SCARF2: variants seen among roughly 807,000 people sequenced by gnomAD.
SCARF2 encodes the protein scavenger receptor expressed by endothelial cells 2 protein.
In SCARF2, 39 loss-of-function variants were observed where a neutral mutation model predicts 73.4. That is an observed-to-expected ratio of 0.53 (90% CI 0.41 to 0.69). The LOEUF (loss-of-function observed/expected upper bound fraction) is 0.69. SCARF2 is among the 30% of genes least tolerant of loss of function. The pLI, the probability that SCARF2 is intolerant of heterozygous loss-of-function variation, is 0.00. For missense variants in SCARF2, 1,148 were observed against 1,303.5 expected, an observed-to-expected ratio of 0.88 and a Z score of 1.84; for synonymous variants, 605 against 590.0, an observed-to-expected ratio of 1.03 and a Z score of -0.37.
At chr22:20,437,399 G>C (rs2146142146) in intron 1 of SCARF2, among the ~76,000 whole-genome samples, 183 bp downstream of exon 1, 1 of 152,326 alleles carries the variant, frequency 6.6e-6, no homozygotes, top group East Asian at 1.9e-4. Context: ...GGGTTCCCTG[G>C]GATGCACTGT....
At chr22:20,431,620 C>A (rs1320794716) in intron 3 of SCARF2, 83 bp from the exon 4 acceptor site, 2 of 1,542,636 alleles carry the variant, frequency 1.3e-6, no homozygotes, top group South Asian at 1.2e-5. Context: ...CCGCGTCCCG[C>A]ACTCCAGCCG....
chr22:20,432,185 T>C (rs2052657408), intron 1 of SCARF2, among the ~76,000 whole-genome samples, 197 bp from the exon 2 acceptor site: 1 of 152,072 alleles, frequency 6.6e-6, no homozygotes, highest in Admixed American at 6.5e-5. Context: ...CGCCAAGAAC[T>C]TTCCAGCCCA....
intron 1 of SCARF2, among the ~76,000 whole-genome samples, chr22:20,435,706 C>T (rs1455509761): frequency 6.6e-6 from 1 of 152,228 alleles, no homozygotes; most frequent in Non-Finnish European, 1.5e-5. Context: ...CTCAGCCGTT[C>T]TCCTCAGAAC....
At position 20,429,503 on chromosome 22, in the gene SCARF2, C is replaced by G. The variant is rs1384337276; in HGVS notation, c.1424+33G>C. 7 of 1,609,192 alleles carry G rather than the reference C, an allele frequency of 4.4e-6. No individual in the cohort carries two copies. Among genetic ancestry groups the G allele is most frequent in the Non-Finnish European group, 5.9e-6 (7 of 1,178,816 alleles). On this transcript the variant is annotated intron_variant, in intron 8 of 10. Coordinates refer to ENST00000622235, the MANE Select transcript of SCARF2 (RefSeq NM_182895.5). The surrounding 1 kb of genome is among the most constrained non-coding windows in gnomAD (Gnocchi z 5.2). Reference sequence around the variant, plus strand: ...TGGCACCCAGAGGGTGCGGCCTGAACCCAGGCGAAAGCGGGGCAGTATCTG... The same window carrying G: ...TGGCACCCAGAGGGTGCGGCCTGAAGCCAGGCGAAAGCGGGGCAGTATCTG...
chr22:20,427,811 T>A (rs2052596955), intron 9 of SCARF2, among the ~76,000 whole-genome samples: 1 of 152,126 alleles, frequency 6.6e-6, no homozygotes, highest in African/African-American at 2.4e-5. Flanking sequence ...CTGGAAAAGG[T>A]TGGGCTGACG....
At chr22:20,433,508 C>T (rs140011152) in intron 1 of SCARF2, among the ~76,000 whole-genome samples, 1,643 of 152,286 alleles carry the variant, frequency 0.011, 6 homozygotes, top group Middle Eastern at 0.024. Context: ...TGCTCCTGCC[C>T]AGGCTTCCGA....
chr22:20,427,877 G>C (rs1308300036), intron 9 of SCARF2, among the ~76,000 whole-genome samples: 1 of 152,350 alleles, frequency 6.6e-6, no homozygotes, highest in East Asian at 1.9e-4. Flanking sequence ...ACCTGGCTGG[G>C]ACAGGCCACC....
intron 6 of SCARF2, among the ~76,000 whole-genome samples, chr22:20,430,127 G>A (rs930456965): frequency 2.6e-5 from 4 of 152,206 alleles, no homozygotes; most frequent in Non-Finnish European, 5.9e-5. Context: ...GGGAAGAGGG[G>A]CTGCTGAACC....
At position 20,437,718 on chromosome 22, in the gene SCARF2, G is replaced by T; in HGVS notation, c.37C>A (p.Arg13=). 8 of 1,348,946 alleles carry T rather than the reference G, an allele frequency of 5.9e-6. No individual in the cohort carries two copies. Among genetic ancestry groups the T allele is most frequent in the Non-Finnish European group, 7.6e-6 (8 of 1,056,924 alleles). 83.6% of individuals were successfully genotyped at this position (1,348,946 alleles called of 1,614,324 possible). Residue 13 remains arginine, a synonymous_variant, in exon 1 of 11, where the codon CGG becomes AGG. Coordinates refer to ENST00000622235, the MANE Select transcript of SCARF2 (RefSeq NM_182895.5). ...GAGPRGAGPA[R]RRGAGGPPSP... ...GGCGGCCCCCCGGCTCCCCGGCGCCGCGCCGGCCCGGCCCCCCGGGGCCCT... is the reference window on the plus strand; with the variant it reads ...GGCGGCCCCCCGGCTCCCCGGCGCCTCGCCGGCCCGGCCCCCCGGGGCCCT...
At position 20,429,298 on chromosome 22, in the gene SCARF2, GCAT is replaced by G; in HGVS notation, c.1464_1466del (p.Cys489del). ...TCATGCTGATGCGACTGAAGCGCCC[GCAT>G]AGTCGGTGCGGCGCCTTCTTCCTCC... On this transcript the variant is annotated inframe_deletion, in exon 9 of 11. Coordinates refer to ENST00000622235, the MANE Select transcript of SCARF2 (RefSeq NM_182895.5). This position sits in a 1 kb window ranked among gnomAD's most constrained non-coding sequence, Gnocchi z 5.2. 1.9e-6 allele frequency: 3 copies of G among 1,612,262 alleles called. No homozygotes were observed. Among genetic ancestry groups the G allele is most frequent in the Non-Finnish European group, 2.5e-6 (3 of 1,179,496 alleles).
chr22:20,430,011 G>T (rs991144680), intron 6 of SCARF2, 178 bp from the exon 7 acceptor site: 1 of 665,978 alleles, frequency 1.5e-6, no homozygotes, highest in Non-Finnish European at 2.6e-6. Flanking sequence ...TTGGGTAGTG[G>T]ATGTTTTGGA....
chr22:20,428,454 G>A (rs377602586), intron 9 of SCARF2, among the ~76,000 whole-genome samples: 6 of 152,134 alleles, frequency 3.9e-5, no homozygotes, highest in East Asian at 1.9e-4. Flanking sequence ...ATAGGCATGC[G>A]CCACCACACC....
Position 20,425,635 on chromosome 22 carries a change from G to A in SCARF2, c.2341C>T (p.Leu781=), listed in dbSNP as rs762266997. 2.3e-5 allele frequency: 30 copies of A among 1,303,070 alleles called. No individual in the cohort carries two copies. The Admixed American group carries it at 1.2e-3, about 52-fold the overall frequency. The allele number at this position is 1,303,070 out of a possible 1,614,324, so 80.7% of individuals were successfully genotyped here. ...CCCAGGGCCACCTCGGCGCGGCCCA[G>A]GCTGCGAGTCTTGCCGCGCAGCTCA... ...AAELRGKTRS[L]GRAEVALGAQ... Residue 781 remains leucine (L), a synonymous_variant, in exon 11 of 11, where the codon CTG becomes TTG. Coordinates refer to ENST00000622235, the MANE Select transcript of SCARF2 (RefSeq NM_182895.5). The surrounding 1 kb of genome is among the most constrained non-coding windows in gnomAD (Gnocchi z 4.6).
Position 20,424,985 on chromosome 22 carries a change from G to C in SCARF2, c.*390C>G, listed in dbSNP as rs916602848. ...GGCCCTAGCGGGGGAGAGGCAGCCCGGGCAGAAGTGCCTCTGGCTGCAACC... is the reference window on the plus strand; with the variant it reads ...GGCCCTAGCGGGGGAGAGGCAGCCCCGGCAGAAGTGCCTCTGGCTGCAACC... On this transcript the variant is annotated 3_prime_UTR_variant, in exon 11 of 11. Transcript: ENST00000622235. 12 of 181,668 alleles carry C rather than the reference G, an allele frequency of 6.6e-5. No homozygotes were observed. The highest frequency in any genetic ancestry group is 4.4e-4 in the Admixed American group (7 of 16,030). 11.3% of individuals were successfully genotyped at this position (181,668 alleles called of 1,614,324 possible). A position where few individuals can be genotyped will look rare whatever the true frequency, so the allele number is the denominator to read the frequency against.
chr22:20,437,611 A>G lies in SCARF2; in HGVS notation c.144T>C (p.Pro48=). 1 of 1,571,694 alleles carries G rather than the reference A, an allele frequency of 6.4e-7. No homozygotes were observed. Among genetic ancestry groups the G allele is most frequent in the Non-Finnish European group, 8.6e-7 (1 of 1,166,176 alleles). The change falls in exon 1 of 11, where the codon CCT becomes CCC. Residue 48 remains proline (P), a synonymous_variant. Coordinates refer to ENST00000622235, the MANE Select transcript of SCARF2 (RefSeq NM_182895.5). ...PDTVAPQELN[P]RGRNVCRAPG... ...GAGCACGGCACACGTTGCGGCCGCG[A>G]GGGTTCAGTTCCTGAGGCGCCACGG...
chr22:20,425,944 C>T lies in SCARF2; in HGVS notation c.2032G>A (p.Gly678Ser), dbSNP rs2052572110. Reference sequence around the variant, plus strand: ...GGCGGCGGTGGTGAGGGCGCACGGCCAGCTGCAGCGGCGCTGTGCTTGCCG... The same window carrying T: ...GGCGGCGGTGGTGAGGGCGCACGGCTAGCTGCAGCGGCGCTGTGCTTGCCG... ...IHGKHSAAAAGRAPSPPPPGS... is the reference protein window; with the variant it reads ...IHGKHSAAAASRAPSPPPPGS... The change falls in exon 11 of 11, where the codon GGC (glycine) becomes AGC (serine). Residue 678 changes from glycine to serine, a missense_variant. Gly to Ser is a moderately conservative substitution (Grantham distance 56, BLOSUM62 0). Around this residue, in one of 5 missense-constraint regions of SCARF2, gnomAD observed 437 missense variants for 433.6 expected, o/e 1.01. Transcript: ENST00000622235. This position sits in a 1 kb window ranked among gnomAD's most constrained non-coding sequence, Gnocchi z 4.6. 5 of 1,594,868 alleles carry T rather than the reference C, an allele frequency of 3.1e-6. No homozygotes were observed. The highest frequency in any genetic ancestry group is 4.3e-6 in the Non-Finnish European group (5 of 1,174,644).
At chr22:20,437,436 G>C (rs1601308161) in intron 1 of SCARF2, 146 bp downstream of exon 1, 1 of 860,788 alleles carries the variant, frequency 1.2e-6, no homozygotes, top group East Asian at 3.3e-5. Context: ...GGCTGGGCCT[G>C]GAACGGAGCC....
Position 20,425,562 on chromosome 22 carries a change from C to A in SCARF2, c.2414G>T (p.Arg805Leu). Residue 805 changes from arginine to leucine, a missense_variant, in exon 11 of 11, where the codon CGC (arginine) becomes CTC (leucine). Around this residue, in one of 5 missense-constraint regions of SCARF2, gnomAD observed 169 missense variants for 136.9 expected, o/e 1.23. Coordinates refer to ENST00000622235, the MANE Select transcript of SCARF2 (RefSeq NM_182895.5). The surrounding 1 kb of genome is among the most constrained non-coding windows in gnomAD (Gnocchi z 4.6). ...GGCGGGCGAGGCTGGCGGCACGGAG[C>A]GCTTGGCTTTCTGTGGGGGCGCCGG... is the stretch of plus-strand genomic sequence containing the variant. The part of the protein sequence containing the change: ...EKPAPPQKAK[R>L]SVPPASPARA... 7.5e-7 allele frequency: 1 copy of A among 1,341,610 alleles called. No individual in the cohort carries two copies. The allele number at this position is 1,341,610 out of a possible 1,614,324, so 83.1% of individuals were successfully genotyped here. A position where few individuals can be genotyped will look rare whatever the true frequency, so the allele number is the denominator to read the frequency against.
At chr22:20,426,412 G>A (rs1313888223) in intron 10 of SCARF2, 130 bp from the exon 11 acceptor site, 5 of 1,015,240 alleles carry the variant, frequency 4.9e-6, no homozygotes, top group Admixed American at 5.2e-5. Context: ...GCATCTAGAC[G>A]TGCCTGGCAC....
Sources: allele counts gnomAD v4.1 joint callset (sites outside exome capture counted in the v4.1 genomes callset), GRCh38; gene constraint gnomAD v4.1.1; regional missense constraint gnomAD v4.1.1; non-coding constraint Gnocchi (gnomAD v3.1); transcripts MANE v1.5; gene names NCBI Gene and HGNC (gene_info 2026-07-23, HGNC 2026-07-21).